NBEAL1: variants seen among roughly 807,000 people sequenced by gnomAD.
NBEAL1 encodes neurobeachin like 1.
A neutral mutation model predicts 351.3 loss-of-function variants in NBEAL1; 273 were observed. The observed-to-expected ratio is 0.78, with a 90% CI of 0.70 to 0.86. NBEAL1 has a LOEUF of 0.86. Ranked by LOEUF, NBEAL1 falls within the 40% of genes least tolerant of loss-of-function variation. The probability of loss-of-function intolerance (pLI) is 0.00; values close to 1 mark genes in which losing one functional copy is unlikely to be tolerated. For synonymous variants in NBEAL1, 1,050 were observed against 1,086.4 expected (o/e 0.97, Z 0.66); for missense variants, 2,961 against 3,201.3 (o/e 0.92, Z 1.81).
intron 2 of NBEAL1, among the ~76,000 whole-genome samples, chr2:203,028,639 G>A (rs1173258071): frequency 6.6e-6 from 1 of 150,966 alleles, no homozygotes; most frequent in Non-Finnish European, 1.5e-5. Context: ...ATATTAATAT[G>A]TCTATATATT....
At chr2:203,040,390 AG>A (rs2061120763) in intron 2 of NBEAL1, 4 of 712,680 alleles carry the variant, frequency 5.6e-6, no homozygotes, top group South Asian at 4.5e-5. Flanking sequence ...ACACATCAAA[AG>A]GATTAATGGC....
intron 4 of NBEAL1, among the ~76,000 whole-genome samples, chr2:203,055,243 A>G (rs1432257360): frequency 1.3e-5 from 2 of 152,100 alleles, no homozygotes; most frequent in Non-Finnish European, 2.9e-5. Flanking sequence ...GAGGCTTCCA[A>G]TTTTGCCTCT....
intron 2 of NBEAL1, among the ~76,000 whole-genome samples, chr2:203,024,259 T>G (rs1298642874): frequency 1.3e-5 from 2 of 149,760 alleles, no homozygotes; most frequent in Non-Finnish European, 3.0e-5. Flanking sequence ...AACATGGCAG[T>G]CAAGAAAAGT....
At chr2:203,192,123 C>A (rs1246443755) in intron 46 of NBEAL1, among the ~76,000 whole-genome samples, 1 of 152,170 alleles carries the variant, frequency 6.6e-6, no homozygotes, top group Non-Finnish European at 1.5e-5. Context: ...TTGCTCGGAA[C>A]CTCCAACATT....
intron 15 of NBEAL1, among the ~76,000 whole-genome samples, chr2:203,111,518 C>T (rs1480500109): frequency 6.6e-6 from 1 of 151,970 alleles, no homozygotes; most frequent in Admixed American, 6.6e-5. Flanking sequence ...TTATAGGCGC[C>T]TGCCACCATG....
Position 203,133,096 on chromosome 2 carries a change from T to C in NBEAL1, c.3763T>C (p.Tyr1255His). ...TTTCAAAGATCTACTATCTGTGGTA[T>C]ATATATCTCACAGAGCACATATAAA... The part of the protein sequence containing the change: ...INFKDLLSVV[Y>H]ISHRAHINVR... The change falls in exon 27 of 56, where the codon TAT (tyrosine) becomes CAT (histidine). Residue 1255 changes from tyrosine (Y) to histidine (H), a missense_variant. By Grantham distance (83) the Tyr-to-His change is moderately conservative (BLOSUM62 2). Transcript: ENST00000683969. The C allele has an allele frequency of 6.6e-7, 1 of 1,519,688 alleles. No homozygotes were observed. The highest frequency in any genetic ancestry group is 8.9e-7 in the Non-Finnish European group (1 of 1,123,860). The allele number at this position is 1,519,688 out of a possible 1,614,324, so 94.1% of individuals were successfully genotyped here.
intron 10 of NBEAL1, among the ~76,000 whole-genome samples, chr2:203,086,791 CCCAGAAATG>C (rs1276048454): frequency 6.6e-6 from 1 of 152,144 alleles, no homozygotes; most frequent in African/African-American, 2.4e-5. Flanking sequence ...TGCCTTAGCC[CCCAGAAATG>C]CTGGGATTAC....
intron 12 of NBEAL1, among the ~76,000 whole-genome samples, chr2:203,100,506 T>TTAGCATTTTTTAATATGCTTGTTGG (rs2062291827): frequency 1.3e-5 from 2 of 152,130 alleles, no homozygotes. Flanking sequence ...TTAGTGATGT[T>TTAGCATTTTTTAATATGCTTGTTGG]TAGCATTTTT....
intron 48 of NBEAL1, among the ~76,000 whole-genome samples, chr2:203,198,475 T>G (rs2065299921): frequency 6.6e-6 from 1 of 152,130 alleles, no homozygotes; most frequent in South Asian, 2.1e-4. Context: ...TATATTATAT[T>G]TTTATGGTAA....
At chr2:203,172,963 T>A (rs2064372026) in intron 41 of NBEAL1, 110 bp downstream of exon 41, 1 of 758,412 alleles carries the variant, frequency 1.3e-6, no homozygotes, top group Non-Finnish European at 2.0e-6. Flanking sequence ...CTACTACTTT[T>A]GATAATCAGA....
rs1427307155 is a variant in NBEAL1, at chr2:203,222,605, AAT to A, written c.*5252_*5253del. On this transcript the variant is annotated 3_prime_UTR_variant, in exon 56 of 56. Coordinates refer to ENST00000683969, the MANE Select transcript of NBEAL1 (RefSeq NM_001378026.1). ...TCTCTTTAGACTGTTCACATTTGAA[AAT>A]TATAACTAATATTTGCCTCCAGAAA... Among the ~76,000 whole-genome samples the A allele has an allele frequency of 6.6e-6, 1 of 152,186 alleles. No individual in the cohort carries two copies. The highest frequency in any genetic ancestry group is 1.9e-4 in the East Asian group (1 of 5,202).
At chr2:203,119,745 C>T (rs1195151882) in intron 18 of NBEAL1, among the ~76,000 whole-genome samples, 1 of 151,940 alleles carries the variant, frequency 6.6e-6, no homozygotes, top group African/African-American at 2.4e-5. Flanking sequence ...TCTTTATATC[C>T]CTCTTGGAGG....
At chr2:203,126,501 CTT>C in intron 21 of NBEAL1, 54 bp from the exon 22 acceptor site, 1 of 1,241,406 alleles carries the variant, frequency 8.1e-7, no homozygotes, top group Non-Finnish European at 1.1e-6. Context: ...AAAATTATAA[CTT>C]AATGACAGTT....
chr2:203,132,963 A>G lies in NBEAL1; in HGVS notation c.3725-95A>G, dbSNP rs1422757197. 6.3e-6 allele frequency: 4 copies of G among 636,566 alleles called. No homozygotes were observed. In the South Asian group the frequency reaches 8.0e-5, roughly 13 times the overall value. The allele number at this position is 636,566 out of a possible 1,614,324, so 39.4% of individuals were successfully genotyped here. A position where few individuals can be genotyped will look rare whatever the true frequency, so the allele number is the denominator to read the frequency against. On this transcript the variant is annotated intron_variant, in intron 26 of 55. Transcript: ENST00000683969. ...CCTATAATTCATATTTTAAAATGAAATAATTATTTCAGCATTTTATACAAG... is the reference window on the plus strand; with the variant it reads ...CCTATAATTCATATTTTAAAATGAAGTAATTATTTCAGCATTTTATACAAG...
At chr2:203,205,540 T>A (rs1374855886) in intron 51 of NBEAL1, among the ~76,000 whole-genome samples, 1 of 152,216 alleles carries the variant, frequency 6.6e-6, no homozygotes, top group Non-Finnish European at 1.5e-5. Flanking sequence ...GTAATTTTTC[T>A]CTTTTTCTTG....
At chr2:203,056,339 A>C (rs758184817) in intron 4 of NBEAL1, 88 bp from the exon 5 acceptor site, 247 of 733,172 alleles carry the variant, frequency 3.4e-4, no homozygotes, top group Non-Finnish European at 5.4e-4. Context: ...GTTTGCCAGC[A>C]TGTGTTCTCA....
Position 203,193,821 on chromosome 2 carries a change from A to G in NBEAL1, c.6948A>G (p.Ala2316=), listed in dbSNP as rs2065163295. The G allele has an allele frequency of 6.2e-7, 1 of 1,611,978 alleles. No homozygotes were observed. The change falls in exon 47 of 56, where the codon GCA becomes GCG. Residue 2316 remains alanine (A), a synonymous_variant. Transcript: ENST00000683969. ...AACCACACCCTCCAAGATTATCAGC[A>G]GAAGAAGCAGTGCAGAAGCCAACCA... is the stretch of plus-strand genomic sequence containing the variant. ...LKEPHPPRLS[A]EEAVQKPTKI...
intron 10 of NBEAL1, among the ~76,000 whole-genome samples, chr2:203,091,925 TATTTC>T (rs2062072736): frequency 6.6e-6 from 1 of 152,230 alleles, no homozygotes; most frequent in Non-Finnish European, 1.5e-5. Context: ...TCATTTAAGA[TATTTC>T]ATTATTTTCA....
chr2:203,034,541 C>G (rs140549126), intron 2 of NBEAL1, among the ~76,000 whole-genome samples: 1 of 145,452 alleles, frequency 6.9e-6, no homozygotes, highest in Non-Finnish European at 1.5e-5. Context: ...TCACTGAAAC[C>G]TCCACCTCCC....
Sources: allele counts gnomAD v4.1 joint callset (sites outside exome capture counted in the v4.1 genomes callset), GRCh38; gene constraint gnomAD v4.1.1; transcripts MANE v1.5; gene names NCBI Gene and HGNC (gene_info 2026-07-23, HGNC 2026-07-21).